The following ABCA4 variants were observed in gnomAD, a reference collection of about 807,000 sequenced individuals.
ABCA4 encodes retinal-specific phospholipid-transporting ATPase ABCA4.
A neutral mutation model predicts 263.7 loss-of-function variants in ABCA4; 196 were observed. The ratio of observed to expected loss-of-function variants is 0.74; its 90% CI spans 0.66 to 0.84. The LOEUF is 0.84. ABCA4 is among the 40% of genes least tolerant of loss of function. The pLI is 0.00. For missense variants in ABCA4, 2,792 were observed against 2,855.1 expected (o/e 0.98, Z 0.50); for synonymous variants, 1,133 against 1,094.2 (o/e 1.04, Z -0.70).
At chr1:94,057,147 T>C (rs1661006399) in intron 14 of ABCA4, among the ~76,000 whole-genome samples, 1 of 152,222 alleles carries the variant, frequency 6.6e-6, no homozygotes, top group Non-Finnish European at 1.5e-5. Context: ...CACTAACCTG[T>C]AATCAGGGAC....
intron 36 of ABCA4, among the ~76,000 whole-genome samples, chr1:94,019,174 C>T (rs1320878079): frequency 2.0e-5 from 3 of 151,718 alleles, no homozygotes; most frequent in Non-Finnish European, 4.4e-5. Flanking sequence ...GAAAGTTTTA[C>T]CTTTACCCTT....
chr1:94,062,697 C>T lies in ABCA4; in HGVS notation c.1817G>A (p.Gly606Asp), dbSNP rs147932486. Reference protein sequence around the residue: ...DPVEDFRYIWGGFAYLQDMVE... With the variant: ...DPVEDFRYIWDGFAYLQDMVE... ...CATGTCCTGCAGATAGGCAAACCCGCCCCAGATGTACCGGAAATCTTCCAC... is the reference window on the plus strand; with the variant it reads ...CATGTCCTGCAGATAGGCAAACCCGTCCCAGATGTACCGGAAATCTTCCAC... The change falls in exon 13 of 50, where the codon GGC becomes GAC. Residue 606 changes from glycine (G) to aspartate (D), a missense_variant. By Grantham distance (94) the Gly-to-Asp change is moderately conservative. Coordinates refer to ENST00000370225, the MANE Select transcript of ABCA4 (RefSeq NM_000350.3). 1.3e-5 allele frequency: 21 copies of T among 1,614,122 alleles called. No homozygotes were observed. Among genetic ancestry groups the T allele is most frequent in the Non-Finnish European group, 1.7e-5 (20 of 1,180,024 alleles).
chr1:94,087,356 A>G (rs1267606001), intron 6 of ABCA4, among the ~76,000 whole-genome samples: 2 of 152,246 alleles, frequency 1.3e-5, no homozygotes, highest in Non-Finnish European at 2.9e-5. Context: ...AGGCTTCGTC[A>G]CAGTGACAAA....
chr1:94,015,934 G>A (rs1021638187), intron 36 of ABCA4, 80 bp from the exon 37 acceptor site: 22 of 1,171,084 alleles, frequency 1.9e-5, no homozygotes, highest in African/African-American at 3.0e-5. Context: ...GTGGGGCCAG[G>A]CTCCTCCAGC....
chr1:94,100,961 C>A (rs932903065), intron 5 of ABCA4, among the ~76,000 whole-genome samples: 1 of 152,230 alleles, frequency 6.6e-6, no homozygotes, highest in African/African-American at 2.4e-5. Context: ...GGCAAAGCAT[C>A]CTGGGAAGTG....
chr1:93,995,555 A>G (rs1046694866), intron 49 of ABCA4, among the ~76,000 whole-genome samples: 3 of 152,204 alleles, frequency 2.0e-5, no homozygotes. Flanking sequence ...AAGCCAGGAG[A>G]CATACCTCCT....
intron 17 of ABCA4, 115 bp from the exon 18 acceptor site, chr1:94,049,072 T>C (rs1245188601): frequency 1.1e-6 from 1 of 942,676 alleles, no homozygotes; most frequent in African/African-American, 1.6e-5. Context: ...GCCTTTGACC[T>C]GCTCTAGGAC....
chr1:94,109,800 G>A (rs145991421), intron 3 of ABCA4, among the ~76,000 whole-genome samples: 49 of 152,312 alleles, frequency 3.2e-4, no homozygotes, highest in South Asian at 1.0e-3. Flanking sequence ...TCCTTCTGGG[G>A]TTTAAGATTG....
At chr1:94,047,245 T>C in intron 18 of ABCA4, 152 bp from the exon 19 acceptor site, 2 of 810,502 alleles carry the variant, frequency 2.5e-6, no homozygotes, top group South Asian at 1.5e-5. Context: ...AGAATAATAA[T>C]AGTAATACTA....
intron 11 of ABCA4, among the ~76,000 whole-genome samples, chr1:94,067,707 G>A (rs1010553587): frequency 5.9e-5 from 9 of 152,140 alleles, no homozygotes; most frequent in African/African-American, 2.2e-4. Context: ...GTTTGTGAAG[G>A]GCTTACAATT....
chr1:94,098,011 C>T (rs1445351256), intron 6 of ABCA4, among the ~76,000 whole-genome samples: 1 of 152,234 alleles, frequency 6.6e-6, no homozygotes, highest in African/African-American at 2.4e-5. Context: ...CCCGCCTCGG[C>T]CTCCCAAAGT....
intron 30 of ABCA4, among the ~76,000 whole-genome samples, chr1:94,029,056 A>G (rs1204598747): frequency 6.6e-6 from 1 of 152,176 alleles, no homozygotes; most frequent in East Asian, 1.9e-4. Flanking sequence ...TTGGAATATA[A>G]TCTGTTTGGG....
At chr1:94,049,714 A>G (rs1660782055) in intron 17 of ABCA4, among the ~76,000 whole-genome samples, 1 of 152,136 alleles carries the variant, frequency 6.6e-6, no homozygotes, top group Non-Finnish European at 1.5e-5. Context: ...TACCTGAGAA[A>G]TTCACCTAGA....
At chr1:94,011,001 G>T in intron 39 of ABCA4, 72 bp from the exon 40 acceptor site, 2 of 1,611,766 alleles carry the variant, frequency 1.2e-6, no homozygotes, top group Non-Finnish European at 1.7e-6. Context: ...ACAGCACAGG[G>T]CCCACTAGAC....
intron 10 of ABCA4, 29 bp from the exon 11 acceptor site, chr1:94,077,916 C>G: frequency 6.3e-7 from 1 of 1,595,232 alleles, no homozygotes; most frequent in East Asian, 2.2e-5. Flanking sequence ...AGTCACTGCT[C>G]TGCTTAGAAA....
chr1:94,108,112 T>C (rs1438960615), intron 4 of ABCA4, among the ~76,000 whole-genome samples: 1 of 152,172 alleles, frequency 6.6e-6, no homozygotes, highest in Non-Finnish European at 1.5e-5. Context: ...CTGGGAGAAA[T>C]AGTACAATTA....
intron 42 of ABCA4, 53 bp downstream of exon 42, chr1:94,008,182 G>A (rs1461256194): frequency 2.6e-6 from 4 of 1,534,028 alleles, no homozygotes; most frequent in Non-Finnish European, 3.6e-6. Context: ...GGAGAGGCAG[G>A]CACAAGAGCT....
rs765263670 is a variant in ABCA4 at position 94,048,965 on chromosome 1, A to C, written c.2654-8T>G. The C allele has an allele frequency of 2.5e-6, 4 of 1,613,774 alleles. No individual in the cohort carries two copies. In the East Asian group the frequency reaches 8.9e-5, roughly 36 times the overall value. ...CTTCTCTGGTTGAACACCCTGCACC[A>C]ATCAGAAGCCAGTGTTACTCTACCA... On this transcript the variant is annotated splice_polypyrimidine_tract_variant and splice_region_variant and intron_variant, in intron 17 of 49. Transcript: ENST00000370225.
At chr1:94,096,512 G>C (rs113331860) in intron 6 of ABCA4, among the ~76,000 whole-genome samples, 3 of 152,180 alleles carry the variant, frequency 2.0e-5, no homozygotes, top group Admixed American at 2.0e-4. Flanking sequence ...AACCGAGAAA[G>C]CAAGCCCCCA....
Sources: allele counts gnomAD v4.1 joint callset (sites outside exome capture counted in the v4.1 genomes callset), GRCh38; gene constraint gnomAD v4.1.1; transcripts MANE v1.5; gene names NCBI Gene and HGNC (gene_info 2026-07-23, HGNC 2026-07-21).